DYNC2H1: variants seen among roughly 807,000 people sequenced by gnomAD.
The protein encoded by DYNC2H1 is dynein cytoplasmic 2 heavy chain 1.
A neutral mutation model predicts 570.0 loss-of-function variants in DYNC2H1; 410 were observed. The observed-to-expected ratio is 0.72, with a 90% CI of 0.66 to 0.78. The LOEUF (loss-of-function observed/expected upper bound fraction) is 0.78, where lower values mean the gene tolerates loss of function less well. Among genes scored for constraint, DYNC2H1 ranks in the 30% least tolerant of loss-of-function variants. The pLI is 0.00. For synonymous variants in DYNC2H1, 1,688 were observed against 1,677.6 expected (o/e 1.01, Z -0.15); for missense variants, 4,865 against 5,046.4 (o/e 0.96, Z 1.09).
intron 40 of DYNC2H1, among the ~76,000 whole-genome samples, chr11:103,182,390 G>A (rs958678340): frequency 2.0e-5 from 3 of 151,462 alleles, no homozygotes; most frequent in African/African-American, 7.3e-5. Context: ...AAGGGATGGT[G>A]AGTTATTTGC....
intron 59 of DYNC2H1, among the ~76,000 whole-genome samples, chr11:103,223,582 TAA>T (rs1491071876): frequency 0.76 from 114,711 of 151,444 alleles, 44,054 homozygotes; most frequent in Admixed American, 0.84. Context: ...GAGACTAAAA[TAA>T]CATGTTGGTC....
In DYNC2H1 at chr11:103,135,503, A is replaced by T. The variant is rs777862011; in HGVS notation, c.2214A>T (p.Gln738His). The change falls in exon 16 of 89, where the codon CAA becomes CAT. Residue 738 changes from glutamine to histidine, a missense_variant. By Grantham distance (24) the Gln-to-His change is conservative (BLOSUM62 0). This residue lies in a region of DYNC2H1 where 1,936 missense variants were observed against 1,962.1 expected (regional missense o/e 0.99). Transcript: ENST00000375735. ...TGAATGTAACATATTAGGGATTCCA[A>T]GCAAGTGACATGCATGCATGGAAAC... ...GLATVEAQGF[Q>H]ASDMHAWKQH... 3 of 1,551,740 alleles carry T rather than the reference A, an allele frequency of 1.9e-6. No individual in the cohort carries two copies. Among genetic ancestry groups the T allele is most frequent in the South Asian group, 2.6e-5 (2 of 78,144 alleles).
chr11:103,357,081 T>C (rs960146560), intron 82 of DYNC2H1, among the ~76,000 whole-genome samples: 4 of 152,130 alleles, frequency 2.6e-5, no homozygotes, highest in African/African-American at 9.7e-5. Flanking sequence ...TGAAAAACAA[T>C]ATATACATCA....
rs1037080395 is a variant in DYNC2H1, at chr11:103,157,501, A to G, written c.4127+731A>G. Reference sequence around the variant, plus strand: ...CAACCTAATTGCTGAAAGCAGAGACATGATGGATAACTTTGATATCTCCCT... The same window carrying G: ...CAACCTAATTGCTGAAAGCAGAGACGTGATGGATAACTTTGATATCTCCCT... On this transcript the variant is annotated intron_variant, in intron 26 of 88. Coordinates refer to ENST00000375735, the MANE Select transcript of DYNC2H1 (RefSeq NM_001377.3). The surrounding 1 kb of genome is among the most constrained non-coding windows in gnomAD (Gnocchi z 4.2). Among the ~76,000 whole-genome samples the G allele has an allele frequency of 2.6e-5, 4 of 152,250 alleles. No homozygotes were observed. Among genetic ancestry groups the G allele is most frequent in the Non-Finnish European group, 5.9e-5 (4 of 68,034 alleles).
chr11:103,369,338 G>A lies in DYNC2H1; in HGVS notation c.12156+10979G>A, dbSNP rs1235599472. Reference sequence around the variant, plus strand: ...GTTCTTGCAAGCCTCACCAAAGCAGGCGGAAGTACTCTGGGGCTCTAAATA... The same window carrying A: ...GTTCTTGCAAGCCTCACCAAAGCAGACGGAAGTACTCTGGGGCTCTAAATA... On this transcript the variant is annotated intron_variant, in intron 83 of 88. Transcript: ENST00000375735. The surrounding 1 kb of genome is among the most constrained non-coding windows in gnomAD (Gnocchi z 4.0). 3.3e-5 allele frequency among the ~76,000 whole-genome samples: 5 copies of A among 152,158 alleles called. No individual in the cohort carries two copies.
chr11:103,315,396 T>G (rs7107132), intron 79 of DYNC2H1, among the ~76,000 whole-genome samples: 25,211 of 152,044 alleles, frequency 0.17, 2,279 homozygotes, highest in Admixed American at 0.25. Flanking sequence ...AGCTTTTGTT[T>G]GGTGATCTCA....
In DYNC2H1 at chr11:103,309,168, A is replaced by ATTTTTTTTTTTTTTTTTTTTTTT. The variant is rs386374721; in HGVS notation, c.11493+1339_11493+1361dup. 3.1e-3 allele frequency among the ~76,000 whole-genome samples: 169 copies of ATTTTTTTTTTTTTTTTTTTTTTT among 54,638 alleles called. 43 individuals carry two copies. Among genetic ancestry groups the ATTTTTTTTTTTTTTTTTTTTTTT allele is most frequent in the East Asian group, 4.1e-3 (8 of 1,956 alleles). The allele number at this position is 54,638 out of a possible 152,430, so 35.8% of individuals were successfully genotyped here. ...TTATTAGTGTTTGTAACTGCATGCT[A>ATTTTTTTTTTTTTTTTTTTTTTT]TTTTTTTTTTTTTTTTTTTTTTTTG... is the stretch of plus-strand genomic sequence containing the variant. On this transcript the variant is annotated intron_variant, in intron 78 of 88. Transcript: ENST00000375735.
Position 103,185,813 on chromosome 11 carries a change from T to C in DYNC2H1, c.6634-429T>C, listed in dbSNP as rs926027486. On this transcript the variant is annotated intron_variant, in intron 41 of 88. Transcript: ENST00000375735. This position sits in a 1 kb window ranked among gnomAD's most constrained non-coding sequence, Gnocchi z 4.5. ...AGTATTAAGGGCTAACTCTGCTTTA[T>C]ATATGCATAGATAACAGTTTTCAGT... Among the ~76,000 whole-genome samples the C allele has an allele frequency of 1.3e-5, 2 of 151,974 alleles. No homozygotes were observed. Among genetic ancestry groups the C allele is most frequent in the African/African-American group, 4.8e-5 (2 of 41,408 alleles).
rs3103 is a variant in DYNC2H1 at position 103,252,225 on chromosome 11, G to T, written c.10043-1060G>T. On this transcript the variant is annotated intron_variant, in intron 65 of 88. Transcript: ENST00000375735. The surrounding 1 kb of genome is among the most constrained non-coding windows in gnomAD (Gnocchi z 4.6). ...GATGCGATTACAGGCATAAGCAGCCGTGCCTGACCCACATTTTCTTTATCC... is the reference window on the plus strand; with the variant it reads ...GATGCGATTACAGGCATAAGCAGCCTTGCCTGACCCACATTTTCTTTATCC... 6.6e-5 allele frequency among the ~76,000 whole-genome samples: 10 copies of T among 151,820 alleles called. No individual in the cohort carries two copies. The highest frequency in any genetic ancestry group is 2.4e-4 in the African/African-American group (10 of 41,346).
intron 28 of DYNC2H1, among the ~76,000 whole-genome samples, chr11:103,160,659 C>T (rs1006649776): frequency 5.3e-5 from 8 of 151,918 alleles, no homozygotes; most frequent in African/African-American, 1.9e-4. Flanking sequence ...TCTAAATAAA[C>T]ATTCACAAAT....
In DYNC2H1 at chr11:103,437,619, G is replaced by A. The variant is rs1329213295; in HGVS notation, c.12456+1587G>A. ...CTGTCTATCTGCTGTGTATATACCT[G>A]GACATAATTTATCACTAAATGCTGG... On this transcript the variant is annotated intron_variant, in intron 85 of 88. Coordinates refer to ENST00000375735, the MANE Select transcript of DYNC2H1 (RefSeq NM_001377.3). Among the ~76,000 whole-genome samples the A allele has an allele frequency of 2.0e-5, 3 of 152,056 alleles. No individual in the cohort carries two copies. The East Asian group carries it at 5.8e-4, about 29-fold the overall frequency.
intron 21 of DYNC2H1, among the ~76,000 whole-genome samples, chr11:103,152,715 G>C (rs616676): frequency 6.6e-6 from 1 of 152,042 alleles, no homozygotes; most frequent in Non-Finnish European, 1.5e-5. Context: ...ACTTTGTCTG[G>C]GTCCTAGGTT....
rs1867263452 is a variant in DYNC2H1 at position 103,305,925 on chromosome 11, T to A, written c.11382+1205T>A. On this transcript the variant is annotated intron_variant, in intron 77 of 88. Transcript: ENST00000375735. This position sits in a 1 kb window ranked among gnomAD's most constrained non-coding sequence, Gnocchi z 4.3. ...ATCATATATGTTTTGTTTTGGGTTT[T>A]TTTTGAGACAGAATCTTGCTCTGTT... Among the ~76,000 whole-genome samples the A allele has an allele frequency of 6.6e-6, 1 of 152,196 alleles. No individual in the cohort carries two copies. The highest frequency in any genetic ancestry group is 2.4e-5 in the African/African-American group (1 of 41,440).
intron 17 of DYNC2H1, among the ~76,000 whole-genome samples, chr11:103,141,123 G>T (rs1304748431): frequency 6.6e-6 from 1 of 152,074 alleles, no homozygotes; most frequent in East Asian, 1.9e-4. Flanking sequence ...TTTTTTCAAA[G>T]TTTTTAACTT....
chr11:103,166,100 T>C, intron 31 of DYNC2H1, 52 bp downstream of exon 31: 1 of 1,430,506 alleles, frequency 7.0e-7, no homozygotes, highest in Non-Finnish European at 9.3e-7. Context: ...TTTTTTGGTA[T>C]TCTATCCTAA....
rs1226770551 is a variant in DYNC2H1, at chr11:103,239,682, CTTAT to C, written c.9819+3150_9819+3153del. Among the ~76,000 whole-genome samples, 1 of 146,030 alleles carries C rather than the reference CTTAT, an allele frequency of 6.8e-6. No individual in the cohort carries two copies. The highest frequency in any genetic ancestry group is 2.6e-5 in the African/African-American group (1 of 38,190). On this transcript the variant is annotated intron_variant, in intron 63 of 88. Coordinates refer to ENST00000375735, the MANE Select transcript of DYNC2H1 (RefSeq NM_001377.3). The surrounding 1 kb of genome is among the most constrained non-coding windows in gnomAD (Gnocchi z 4.3). ...GTGTGTGTGTGTGTGTGTGTGTAAC[CTTAT>C]TTATTTTATATTCTTGTTAATGTAA...
chr11:103,309,435 A>G (rs550529659), intron 78 of DYNC2H1, among the ~76,000 whole-genome samples: 2 of 150,710 alleles, frequency 1.3e-5, no homozygotes, highest in African/African-American at 4.9e-5. Context: ...GGCTCAAGCA[A>G]TTCTCTTGTC....
chr11:103,462,445 A>G (rs1366236824), intron 87 of DYNC2H1, among the ~76,000 whole-genome samples: 2 of 152,164 alleles, frequency 1.3e-5, no homozygotes, highest in Non-Finnish European at 2.9e-5. Context: ...ACAGGCAGTG[A>G]CAGCCTCATT....
chr11:103,124,982 GTT>G (rs140570273), intron 11 of DYNC2H1, 116 bp from the exon 12 acceptor site: 1 of 695,084 alleles, frequency 1.4e-6, no homozygotes, highest in African/African-American at 1.9e-5. Context: ...TAATTAAAAA[GTT>G]TTTTTTTACT....
Sources: allele counts gnomAD v4.1 joint callset (sites outside exome capture counted in the v4.1 genomes callset), GRCh38; gene constraint gnomAD v4.1.1; regional missense constraint gnomAD v4.1.1; non-coding constraint Gnocchi (gnomAD v3.1); transcripts MANE v1.5; gene names NCBI Gene and HGNC (gene_info 2026-07-23, HGNC 2026-07-21).